ARMC10: variants seen among roughly 807,000 people sequenced by gnomAD.
The protein encoded by ARMC10 is armadillo repeat containing 10.
ARMC10 carries 23 observed loss-of-function variants against 30.2 expected under a neutral mutation model. The observed-to-expected ratio is 0.76, with a 90% confidence interval of 0.55 to 1.08. The LOEUF is 1.08. Ranked by LOEUF, ARMC10 falls within the 50% of genes least tolerant of loss-of-function variation. ARMC10 has a pLI of 0.00. For synonymous variants in ARMC10, 111 were observed against 164.4 expected (o/e 0.68, Z 2.48); for missense variants, 303 against 413.7 (o/e 0.73, Z 2.32).
intron 1 of ARMC10, 147 bp from the exon 2 acceptor site, chr7:103,075,630 C>G: frequency 1.2e-6 from 1 of 853,626 alleles, no homozygotes; most frequent in Non-Finnish European, 1.7e-6. Flanking sequence ...AGCTCCGCGT[C>G]ACAGCGGAGG....
At chr7:103,092,099 G>A (rs1336509299) in intron 4 of ARMC10, among the ~76,000 whole-genome samples, 3 of 152,136 alleles carry the variant, frequency 2.0e-5, no homozygotes, top group South Asian at 2.1e-4. Context: ...TTGGGAGGCC[G>A]AGGCGGGCGG....
intron 4 of ARMC10, among the ~76,000 whole-genome samples, 178 bp from the exon 5 acceptor site, chr7:103,092,299 C>CTCCA (rs892578396): frequency 1.4e-5 from 2 of 141,838 alleles, no homozygotes; most frequent in African/African-American, 5.3e-5. Context: ...CGCCACTGAA[C>CTCCA]TCCAGCCTGG....
intron 4 of ARMC10, among the ~76,000 whole-genome samples, chr7:103,092,055 G>A (rs1027660512): frequency 2.8e-4 from 43 of 152,248 alleles, no homozygotes; most frequent in African/African-American, 9.1e-4. Context: ...TATTTTGGCC[G>A]GGCACAGTGG....
At position 103,084,900 on chromosome 7, in the gene ARMC10, G is replaced by A. The variant is rs575967797; in HGVS notation, c.393+1070G>A. On this transcript the variant is annotated intron_variant, in intron 3 of 6. Transcript: ENST00000323716. ...CTCCGGGGCAATTTCTGGATCAGTC[G>A]AGGGACCATGGCCCATGTTTATTGA... Among the ~76,000 whole-genome samples the A allele has an allele frequency of 3.3e-5, 5 of 152,250 alleles. No individual in the cohort carries two copies. In the South Asian group the frequency reaches 6.2e-4, roughly 19 times the overall value.
At chr7:103,079,782 C>G (rs1800213759) in intron 2 of ARMC10, among the ~76,000 whole-genome samples, 1 of 151,792 alleles carries the variant, frequency 6.6e-6, no homozygotes, top group Non-Finnish European at 1.5e-5. Flanking sequence ...AGAATGAGAC[C>G]CTGTTTCAAA....
In ARMC10 at chr7:103,097,127, G is replaced by A. The variant is rs535458970; in HGVS notation, c.706-150G>A. 7.2e-5 allele frequency: 48 copies of A among 670,434 alleles called. No homozygotes were observed. In the East Asian group the frequency reaches 9.5e-4, roughly 13 times the overall value. 41.5% of individuals were successfully genotyped at this position (670,434 alleles called of 1,614,324 possible). A position where few individuals can be genotyped will look rare whatever the true frequency, so the allele number is the denominator to read the frequency against. On this transcript the variant is annotated intron_variant, in intron 5 of 6. Transcript: ENST00000323716. Reference sequence around the variant, plus strand: ...ATGAGACCTTTAAAGTAGAATGAACGGAGAAGGTTTCCTGGAGTAGAGAGA... The same window carrying A: ...ATGAGACCTTTAAAGTAGAATGAACAGAGAAGGTTTCCTGGAGTAGAGAGA...
intron 2 of ARMC10, among the ~76,000 whole-genome samples, chr7:103,076,509 C>T (rs1799847731): frequency 6.6e-6 from 1 of 152,180 alleles, no homozygotes; most frequent in Non-Finnish European, 1.5e-5. Flanking sequence ...CTTTCTTGGG[C>T]TGTAAAACTG....
Position 103,099,675 on chromosome 7 carries a change from C to T in ARMC10, c.*1122C>T, listed in dbSNP as rs1359770289. 6.8e-6 allele frequency: 1 copy of T among 147,550 alleles called. No individual in the cohort carries two copies. The highest frequency in any genetic ancestry group is 2.5e-5 in the African/African-American group (1 of 40,548). The allele number at this position is 147,550 out of a possible 1,614,324, so 9.1% of individuals were successfully genotyped here. A position where few individuals can be genotyped will look rare whatever the true frequency, so the allele number is the denominator to read the frequency against. ...CTGGAGTGGGAGTGGGGAATGCCTT[C>T]TACGTACACACTGTTCTACTGTTTG... On this transcript the variant is annotated 3_prime_UTR_variant, in exon 7 of 7. Transcript: ENST00000323716.
In ARMC10 at chr7:103,084,191, T is replaced by C. The variant is rs192169668; in HGVS notation, c.393+361T>C. 4.7e-4 allele frequency: 208 copies of C among 443,512 alleles called. No individual in the cohort carries two copies. In the East Asian group the frequency reaches 0.014, roughly 31 times the overall value. 27.5% of individuals were successfully genotyped at this position (443,512 alleles called of 1,614,324 possible). A position where few individuals can be genotyped will look rare whatever the true frequency, so the allele number is the denominator to read the frequency against. ...TACTTTAAATTGTATATCGGTCTTA[T>C]GAATATGATTCTGATGCTGATGGTC... On this transcript the variant is annotated intron_variant, in intron 3 of 6. Transcript: ENST00000323716.
At chr7:103,087,192 G>C (rs1401989385) in intron 4 of ARMC10, among the ~76,000 whole-genome samples, 1 of 152,188 alleles carries the variant, frequency 6.6e-6, no homozygotes, top group Non-Finnish European at 1.5e-5. Flanking sequence ...AGTTTGGCTA[G>C]TTTTGCCTTT....
chr7:103,096,361 T>C (rs1801759952), intron 5 of ARMC10: 1 of 152,124 alleles, frequency 6.6e-6, no homozygotes, highest in South Asian at 2.1e-4. Flanking sequence ...CTATCAGTTT[T>C]TATCACTGTG....
In ARMC10 at chr7:103,075,854, TCA is replaced by T. The variant is rs1799725385; in HGVS notation, c.220_221del (p.Gln74ValfsTer8). On this transcript the variant is annotated frameshift_variant, in exon 2 of 7. Transcript: ENST00000323716. LOFTEE classifies it high-confidence loss of function. ...GCCTCAGACGGGAGGTACCTGGGAG[TCA>T]CAGTGGTCCAAGACCTCGCAGCCTG... ...ARPQTGGTWE[S>X]QWSKTSQPED... 6.2e-7 allele frequency: 1 copy of T among 1,609,358 alleles called. No homozygotes were observed. The highest frequency in any genetic ancestry group is 1.3e-5 in the African/African-American group (1 of 74,806).
At chr7:103,083,588 C>T (rs1800576637) in intron 2 of ARMC10, 94 bp from the exon 3 acceptor site, 10 of 1,140,086 alleles carry the variant, frequency 8.8e-6, no homozygotes, top group South Asian at 2.9e-5. Context: ...ATTGTGCCAC[C>T]GCACACCAGC....
At chr7:103,091,491 TATA>T (rs1563327700) in intron 4 of ARMC10, among the ~76,000 whole-genome samples, 10 of 143,742 alleles carry the variant, frequency 7.0e-5, no homozygotes, top group African/African-American at 2.7e-4. Flanking sequence ...GGGTGAATTA[TATA>T]TATATATATA....
intron 4 of ARMC10, among the ~76,000 whole-genome samples, chr7:103,090,721 C>T (rs1563326994): frequency 2.7e-5 from 2 of 74,080 alleles, no homozygotes; most frequent in Admixed American, 3.6e-4. Context: ...GGGTGAGAAC[C>T]CATTTCTAAA....
chr7:103,097,984 C>T (rs1214541482), intron 6 of ARMC10, among the ~76,000 whole-genome samples: 1 of 152,094 alleles, frequency 6.6e-6, no homozygotes, highest in East Asian at 1.9e-4. Context: ...GTATGATGAT[C>T]TTAAAAAAGA....
At chr7:103,079,681 T>C (rs1208099333) in intron 2 of ARMC10, among the ~76,000 whole-genome samples, 1 of 152,234 alleles carries the variant, frequency 6.6e-6, no homozygotes, top group Admixed American at 6.5e-5. Context: ...TAATAAAATA[T>C]CTTGAGTACA....
In ARMC10 at chr7:103,075,878, C is replaced by T; in HGVS notation, c.241C>T (p.Pro81Ser). ...WESQWSKTSQ[P>S]EDLTDGSYDD... ...GTCACAGTGGTCCAAGACCTCGCAGCCTGGTGTGTGTTTTGGAAATGGGAA... is the reference window on the plus strand; with the variant it reads ...GTCACAGTGGTCCAAGACCTCGCAGTCTGGTGTGTGTTTTGGAAATGGGAA... Residue 81 changes from proline (P) to serine (S), a missense_variant, in exon 2 of 7, where the codon CCT (proline) becomes TCT (serine). Pro to Ser is a moderately conservative substitution (Grantham distance 74). Transcript: ENST00000323716. 6.3e-7 allele frequency: 1 copy of T among 1,595,006 alleles called. No individual in the cohort carries two copies.
intron 4 of ARMC10, among the ~76,000 whole-genome samples, chr7:103,088,263 A>G (rs984525045): frequency 6.6e-6 from 1 of 152,220 alleles, no homozygotes; most frequent in East Asian, 1.9e-4. Context: ...TTAGAGTCCA[A>G]TACAGTTATG....
Sources: gnomAD v4.1 joint callset for allele counts (sites outside exome capture counted in the v4.1 genomes callset) on GRCh38, gnomAD v4.1.1 for gene constraint, MANE v1.5 for transcripts, NCBI Gene and HGNC (gene_info 2026-07-23, HGNC 2026-07-21) for gene names.